The following SATL1 variants were observed in gnomAD, a reference collection of about 807,000 sequenced individuals.
SATL1 encodes spermidine/spermine N(1)-acetyltransferase-like protein 1.
In SATL1, 47 loss-of-function variants were observed where a neutral mutation model predicts 51.8. That is an observed-to-expected ratio of 0.91 (90% CI 0.72 to 1.16). SATL1 has a LOEUF of 1.16. SATL1 is among the 50% of genes most tolerant of loss of function. The probability of loss-of-function intolerance (pLI) is 0.00; values close to 1 mark genes in which losing one functional copy is unlikely to be tolerated. For synonymous variants in SATL1, 176 were observed against 182.4 expected, an observed-to-expected ratio of 0.97 and a Z score of 0.28; for missense variants, 520 against 526.4, an observed-to-expected ratio of 0.99 and a Z score of 0.12.
intron 2 of SATL1, among the ~76,000 whole-genome samples, chrX:85,206,639 G>A (rs1411368248): frequency 9.0e-6 from 1 of 111,153 alleles, no homozygotes; most frequent in African/African-American, 3.3e-5. Context: ...TGGTGAAGGA[G>A]TGTTGAAAAT....
chrX:85,144,244 A>C (rs763147623), intron 2 of SATL1, among the ~76,000 whole-genome samples: 2 of 111,894 alleles, frequency 1.8e-5, no homozygotes, highest in South Asian at 3.7e-4. Context: ...CTATGTTTTT[A>C]CCTAAAAACT....
At chrX:85,234,800 G>A (rs1251827603) in intron 1 of SATL1, among the ~76,000 whole-genome samples, 3 of 111,038 alleles carry the variant, frequency 2.7e-5, no homozygotes, top group African/African-American at 3.3e-5. Context: ...AAAGAAGGAC[G>A]AGAAGACCAC....
chrX:85,125,066 G>A (rs1925588520), intron 2 of SATL1, among the ~76,000 whole-genome samples: 1 of 110,386 alleles, frequency 9.1e-6, no homozygotes. Context: ...TAAGACCCAG[G>A]CTGTTTCAGG....
At position 85,093,083 on chromosome X, in the gene SATL1, G is replaced by A. The variant is rs1017812098; in HGVS notation, c.1917+102C>T. 7.4e-6 allele frequency: 6 copies of A among 811,407 alleles called. No homozygotes were observed. In the East Asian group the frequency reaches 1.8e-4, roughly 24 times the overall value. The allele number at this position is 811,407 out of a possible 1,213,427, so 66.9% of individuals were successfully genotyped here. On this transcript the variant is annotated intron_variant, in intron 7 of 7. Transcript: ENST00000644105. Reference sequence around the variant, plus strand: ...GTAGAAATTTGAAGTATATGTTGGGGTTATGTTCAAATGGTGAGATTAATG... The same window carrying A: ...GTAGAAATTTGAAGTATATGTTGGGATTATGTTCAAATGGTGAGATTAATG...
At chrX:85,214,462 A>G in intron 2 of SATL1, among the ~76,000 whole-genome samples, 1 of 111,694 alleles carries the variant, frequency 9.0e-6, no homozygotes, top group Non-Finnish European at 1.9e-5. Context: ...TCACATTTCA[A>G]CATGAGATTT....
chrX:85,168,454 A>G (rs1403857167), intron 2 of SATL1, among the ~76,000 whole-genome samples: 7 of 111,762 alleles, frequency 6.3e-5, no homozygotes, highest in Non-Finnish European at 7.5e-5. Flanking sequence ...TCAATGTACA[A>G]AAGTCGTTAG....
At chrX:85,133,835 A>C (rs536090618) in intron 2 of SATL1, among the ~76,000 whole-genome samples, 1 of 112,473 alleles carries the variant, frequency 8.9e-6, no homozygotes, top group African/African-American at 3.2e-5. Flanking sequence ...ATTGCCACTT[A>C]GAATTTACAT....
At chrX:85,121,435 T>C (rs1269479118) in intron 2 of SATL1, among the ~76,000 whole-genome samples, 1 of 104,065 alleles carries the variant, frequency 9.6e-6, no homozygotes, top group African/African-American at 3.4e-5. Context: ...TTCTTGTTAG[T>C]ATATAGTATA....
intron 2 of SATL1, among the ~76,000 whole-genome samples, chrX:85,147,404 A>G (rs1296996831): frequency 8.8e-6 from 1 of 114,010 alleles, no homozygotes; most frequent in Non-Finnish European, 1.9e-5. Context: ...GCACAGACAA[A>G]CAAAAAGACA....
At chrX:85,210,320 A>G (rs1927886599) in intron 2 of SATL1, 2 of 106,005 alleles carry the variant, frequency 1.9e-5, no homozygotes, top group African/African-American at 6.9e-5. Context: ...AGTTTTGCTT[A>G]GAACAATTTT....
At chrX:85,212,639 A>C (rs1352488346) in intron 2 of SATL1, 1 of 111,537 alleles carries the variant, frequency 9.0e-6, no homozygotes, top group African/African-American at 3.3e-5. Context: ...GAGTTTTTAA[A>C]GTATCCTATA....
At chrX:85,111,052 C>A (rs1925247384) in intron 2 of SATL1, among the ~76,000 whole-genome samples, 1 of 112,898 alleles carries the variant, frequency 8.9e-6, no homozygotes. Context: ...TTGTTTTCTT[C>A]TGAAATGCAG....
chrX:85,131,589 T>C (rs778968583), intron 2 of SATL1, among the ~76,000 whole-genome samples: 1 of 111,495 alleles, frequency 9.0e-6, no homozygotes, highest in African/African-American at 3.3e-5. Flanking sequence ...TGAAGGGTAT[T>C]GACTCTTTAT....
At chrX:85,204,072 A>C (rs1484431277) in intron 2 of SATL1, among the ~76,000 whole-genome samples, 3 of 111,900 alleles carry the variant, frequency 2.7e-5, no homozygotes, top group Non-Finnish European at 3.8e-5. Context: ...TGTCAGACTG[A>C]AGACTGAAGG....
chrX:85,220,638 C>T (rs12010684), intron 2 of SATL1, among the ~76,000 whole-genome samples: 1 of 63,132 alleles, frequency 1.6e-5, no homozygotes, highest in African/African-American at 6.1e-5. Context: ...GGCAGCACTT[C>T]TGTGTTAAAA....
chrX:85,153,203 G>A (rs766454296), intron 2 of SATL1, among the ~76,000 whole-genome samples: 1 of 110,430 alleles, frequency 9.1e-6, no homozygotes, highest in South Asian at 3.8e-4. Flanking sequence ...GATTTTGCTG[G>A]CAGTCTTTTC....
chrX:85,121,494 G>GTATA (rs1925508546), intron 2 of SATL1, among the ~76,000 whole-genome samples: 1 of 102,352 alleles, frequency 9.8e-6, no homozygotes, highest in Non-Finnish European at 2.0e-5. Context: ...TTTCTTGTTA[G>GTATA]TATATAGTAT....
intron 2 of SATL1, among the ~76,000 whole-genome samples, chrX:85,177,511 A>T (rs900790048): frequency 1.8e-5 from 2 of 111,581 alleles, no homozygotes; most frequent in Non-Finnish European, 3.8e-5. Flanking sequence ...ACAAAAATCC[A>T]TGAAACAATG....
intron 2 of SATL1, among the ~76,000 whole-genome samples, chrX:85,168,647 T>A (rs769629197): frequency 1.3e-4 from 15 of 111,811 alleles, no homozygotes; most frequent in Non-Finnish European, 2.8e-4. Flanking sequence ...GGAAAAACAT[T>A]CCATGCTCAT....
Sources: gnomAD v4.1 joint callset for allele counts (sites outside exome capture counted in the v4.1 genomes callset) on GRCh38, gnomAD v4.1.1 for gene constraint, MANE v1.5 for transcripts, NCBI Gene and HGNC (gene_info 2026-07-23, HGNC 2026-07-21) for gene names.